The following SHROOM2 variants were observed in gnomAD, a reference collection of about 807,000 sequenced individuals.
The protein encoded by SHROOM2 is shroom family member 2.
SHROOM2 carries 33 observed loss-of-function variants against 75.9 expected under a neutral mutation model. That is an observed-to-expected ratio of 0.43 (90% CI 0.33 to 0.58). The LOEUF is 0.58. SHROOM2 is among the 20% of genes least tolerant of loss of function. SHROOM2 has a pLI of 0.04. For missense variants in SHROOM2, 1,434 were observed against 1,461.2 expected (o/e 0.98, Z 0.30); for synonymous variants, 655 against 663.6 (o/e 0.99, Z 0.20).
intron 2 of SHROOM2, among the ~76,000 whole-genome samples, chrX:9,874,168 C>G (rs773659384): frequency 2.4e-4 from 27 of 111,764 alleles, no homozygotes; most frequent in African/African-American, 7.8e-4. Flanking sequence ...TGTTTTCATG[C>G]TAGAAAGAGA....
At chrX:9,920,795 C>A (rs755100849) in intron 5 of SHROOM2, among the ~76,000 whole-genome samples, 1 of 112,128 alleles carries the variant, frequency 8.9e-6, no homozygotes, top group African/African-American at 3.2e-5. Context: ...TCTGCTTTCT[C>A]CTCAAAATTT....
At chrX:9,788,679 C>T (rs1363876414) in intron 1 of SHROOM2, among the ~76,000 whole-genome samples, 1 of 110,991 alleles carries the variant, frequency 9.0e-6, no homozygotes, top group Non-Finnish European at 1.9e-5. Flanking sequence ...CTGCTTGGGT[C>T]TGGGATCTCC....
At chrX:9,939,445 G>T in intron 8 of SHROOM2, 79 bp downstream of exon 8, 1 of 660,316 alleles carries the variant, frequency 1.5e-6, no homozygotes, top group Non-Finnish European at 2.0e-6. Flanking sequence ...TCCTGCCCCA[G>T]CGCAGACCCT....
At chrX:9,840,066 G>A (rs1320679394) in intron 1 of SHROOM2, among the ~76,000 whole-genome samples, 1 of 111,746 alleles carries the variant, frequency 8.9e-6, no homozygotes, top group Non-Finnish European at 1.9e-5. Flanking sequence ...GAGGACACAA[G>A]ACTGGACACT....
At chrX:9,829,326 T>C (rs1396177257) in intron 1 of SHROOM2, among the ~76,000 whole-genome samples, 1 of 112,502 alleles carries the variant, frequency 8.9e-6, no homozygotes, top group Non-Finnish European at 1.9e-5. Context: ...GCCTGGACCC[T>C]GGGGCTGAGT....
At chrX:9,885,251 G>A (rs2084254507) in intron 2 of SHROOM2, among the ~76,000 whole-genome samples, 1 of 110,324 alleles carries the variant, frequency 9.1e-6, no homozygotes, top group African/African-American at 3.3e-5. Context: ...TGCGTGGCTT[G>A]TGCAGGAGGA....
At chrX:9,941,896 G>A (rs1351937564) in intron 8 of SHROOM2, among the ~76,000 whole-genome samples, 1 of 106,123 alleles carries the variant, frequency 9.4e-6, no homozygotes, top group South Asian at 4.4e-4. Context: ...GCGTGAACCT[G>A]GGAGGCGGAG....
chrX:9,946,340 A>G (rs2084818669), intron 9 of SHROOM2, among the ~76,000 whole-genome samples: 1 of 113,068 alleles, frequency 8.8e-6, no homozygotes, highest in Admixed American at 9.3e-5. Flanking sequence ...GCAGCATCTC[A>G]GAATTCTGTC....
intron 1 of SHROOM2, among the ~76,000 whole-genome samples, chrX:9,869,187 C>T (rs1215457094): frequency 9.0e-6 from 1 of 111,291 alleles, no homozygotes; most frequent in Non-Finnish European, 1.9e-5. Flanking sequence ...TCTTGAACTC[C>T]TGACCTCAGG....
At chrX:9,915,668 C>T (rs1295247495) in intron 5 of SHROOM2, among the ~76,000 whole-genome samples, 1 of 112,461 alleles carries the variant, frequency 8.9e-6, no homozygotes, top group Non-Finnish European at 1.9e-5. Context: ...CATTTATACA[C>T]GTGTGTGTGT....
At position 9,894,543 on chromosome X, in the gene SHROOM2, CCTT is replaced by C. The variant is rs1489537031; in HGVS notation, c.638_640del (p.Phe213del). On this transcript the variant is annotated inframe_deletion, in exon 4 of 10. Coordinates refer to ENST00000380913, the MANE Select transcript of SHROOM2 (RefSeq NM_001649.4). ...AGCAAGCGCGACTCGGCCTACGGCTCCTTCTCCACCAGCTCTAGCACTCCTGAC... is the reference window on the plus strand; with the variant it reads ...AGCAAGCGCGACTCGGCCTACGGCTCCTCCACCAGCTCTAGCACTCCTGAC... The C allele has an allele frequency of 8.3e-7, 1 of 1,209,868 alleles. No individual in the cohort carries two copies. Among genetic ancestry groups the C allele is most frequent in the African/African-American group, 1.8e-5 (1 of 57,091 alleles).
In SHROOM2 at chrX:9,939,050, C is replaced by T. The variant is rs186019548; in HGVS notation, c.4140-145C>T. The T allele has an allele frequency of 3.8e-3, 1,694 of 441,223 alleles. 19 individuals carry two copies. Among genetic ancestry groups the T allele is most frequent in the African/African-American group, 0.036 (1,470 of 40,355 alleles). 36.4% of individuals were successfully genotyped at this position (441,223 alleles called of 1,213,427 possible). On this transcript the variant is annotated intron_variant, in intron 7 of 9. Transcript: ENST00000380913. ...TAGTTTTAACCTTGTTACCTACTTA[C>T]TTTTCCCCCTTTGGCTGTCTCATCT...
chrX:9,844,962 A>T (rs112174187), intron 1 of SHROOM2, among the ~76,000 whole-genome samples: 8 of 111,539 alleles, frequency 7.2e-5, no homozygotes, highest in African/African-American at 2.6e-4. Context: ...CAATCTCCTG[A>T]TGCTGGATTT....
chrX:9,894,415 A>G lies in SHROOM2; in HGVS notation c.507A>G (p.Leu169=). Residue 169 remains leucine, a synonymous_variant, in exon 4 of 10, where the codon TTA becomes TTG. Coordinates refer to ENST00000380913, the MANE Select transcript of SHROOM2 (RefSeq NM_001649.4). ...SWEQTNLQRT[L]DHFSSLGSVD... is the part of the protein sequence containing the mutation. Reference sequence around the variant, plus strand: ...AGCAGACGAACCTACAGCGCACCTTAGATCACTTCAGCTCCTTGGGGAGCG... The same window carrying G: ...AGCAGACGAACCTACAGCGCACCTTGGATCACTTCAGCTCCTTGGGGAGCG... 8.3e-7 allele frequency: 1 copy of G among 1,210,316 alleles called. No homozygotes were observed. Among genetic ancestry groups the G allele is most frequent in the African/African-American group, 1.7e-5 (1 of 57,287 alleles).
At chrX:9,899,424 C>G (rs146873370) in intron 5 of SHROOM2, among the ~76,000 whole-genome samples, 2 of 111,366 alleles carry the variant, frequency 1.8e-5, no homozygotes, top group African/African-American at 3.3e-5. Flanking sequence ...TTTTCTGTCG[C>G]CTTGAGAATG....
At chrX:9,811,865 G>A (rs905593602) in intron 1 of SHROOM2, among the ~76,000 whole-genome samples, 4 of 111,688 alleles carry the variant, frequency 3.6e-5, no homozygotes, top group African/African-American at 1.3e-4. Context: ...GAGAAGACAG[G>A]GTGGCAGAGT....
chrX:9,930,597 T>TGCAATGTGGGGGAGACATC (rs2147052050), intron 5 of SHROOM2, among the ~76,000 whole-genome samples: 1 of 111,000 alleles, frequency 9.0e-6, no homozygotes, highest in South Asian at 3.9e-4. Context: ...AATATTGAAA[T>TGCAATGTGGGGGAGACATC]GCAATGTGGG....
chrX:9,849,991 G>A (rs2084029734), intron 1 of SHROOM2, among the ~76,000 whole-genome samples: 1 of 111,894 alleles, frequency 8.9e-6, no homozygotes, highest in Non-Finnish European at 1.9e-5. Context: ...GGAGGATTGG[G>A]GACAGTGGTT....
chrX:9,871,482 G>A (rs1012477695), intron 1 of SHROOM2, among the ~76,000 whole-genome samples: 6 of 111,754 alleles, frequency 5.4e-5, no homozygotes, highest in East Asian at 2.8e-4. Flanking sequence ...CCCAGGTATC[G>A]CCTGCCTTTT....
Sources: gnomAD v4.1 joint callset for allele counts (sites outside exome capture counted in the v4.1 genomes callset) on GRCh38, gnomAD v4.1.1 for gene constraint, MANE v1.5 for transcripts, NCBI Gene and HGNC (gene_info 2026-07-23, HGNC 2026-07-21) for gene names.